Variants in FLT1 observed in about 807,000 individuals in gnomAD.
FLT1 encodes the protein fms related receptor tyrosine kinase 1.
A neutral mutation model predicts 156.3 loss-of-function variants in FLT1; 49 were observed. That is an observed-to-expected ratio of 0.31 (90% CI 0.25 to 0.40). The LOEUF (loss-of-function observed/expected upper bound fraction) is 0.40. Among genes scored for constraint, FLT1 ranks in the 10% least tolerant of loss-of-function variants. FLT1 has a pLI of 1.00. For missense variants in FLT1, 1,322 were observed against 1,637.2 expected, an observed-to-expected ratio of 0.81 and a Z score of 3.32; for synonymous variants, 594 against 583.8, an observed-to-expected ratio of 1.02 and a Z score of -0.25.
intron 24 of FLT1, among the ~76,000 whole-genome samples, chr13:28,319,073 G>A (rs755890377): frequency 7.9e-5 from 12 of 152,240 alleles, no homozygotes; most frequent in East Asian, 7.7e-4. Flanking sequence ...GGAGGGAAGC[G>A]GTAAGGGCAT....
At chr13:28,458,832 G>A (rs1879407804) in intron 3 of FLT1, among the ~76,000 whole-genome samples, 1 of 152,200 alleles carries the variant, frequency 6.6e-6, no homozygotes, top group Admixed American at 6.5e-5. Context: ...CTAATCAGCT[G>A]TCTGCCAGTG....
intron 15 of FLT1, among the ~76,000 whole-genome samples, chr13:28,353,287 A>T (rs1044004608): frequency 3.3e-5 from 5 of 152,162 alleles, no homozygotes; most frequent in Admixed American, 1.3e-4. Flanking sequence ...AGAGTATCAG[A>T]TTTGGCTGGG....
At chr13:28,487,830 C>CTATTTTCCACCAAATCCA (rs1240629182) in intron 1 of FLT1, among the ~76,000 whole-genome samples, 20 of 152,140 alleles carry the variant, frequency 1.3e-4, no homozygotes, top group African/African-American at 4.1e-4. Flanking sequence ...TGCATTTTTA[C>CTATTTTCCACCAAATCCA]TATTTTCCAC....
At chr13:28,384,835 G>A in intron 14 of FLT1, 50 bp downstream of exon 14, 2 of 1,560,578 alleles carry the variant, frequency 1.3e-6, no homozygotes, top group Non-Finnish European at 1.8e-6. Flanking sequence ...GGGAAAGGGG[G>A]GCTGATGAAA....
At chr13:28,342,146 G>A (rs1251788184) in intron 16 of FLT1, among the ~76,000 whole-genome samples, 1 of 152,144 alleles carries the variant, frequency 6.6e-6, no homozygotes, top group Non-Finnish European at 1.5e-5. Flanking sequence ...GCCTCCCAAA[G>A]TTCTGGGATT....
intron 3 of FLT1, among the ~76,000 whole-genome samples, chr13:28,448,885 T>C (rs1289650033): frequency 6.6e-6 from 1 of 152,208 alleles, no homozygotes; most frequent in East Asian, 1.9e-4. Flanking sequence ...CCTCACCTTA[T>C]GAGTCTTTGC....
At chr13:28,444,748 TG>T (rs1276063513) in intron 3 of FLT1, among the ~76,000 whole-genome samples, 2 of 152,054 alleles carry the variant, frequency 1.3e-5, no homozygotes, top group African/African-American at 4.8e-5. Flanking sequence ...ATGTGGAAAT[TG>T]ACACATCCCT....
At chr13:28,435,132 G>A (rs1222802215) in intron 4 of FLT1, among the ~76,000 whole-genome samples, 1 of 152,204 alleles carries the variant, frequency 6.6e-6, no homozygotes. Context: ...GAAGGCATCA[G>A]CTCTGCCTCT....
chr13:28,385,153 T>C, intron 13 of FLT1, 122 bp from the exon 14 acceptor site: 1 of 1,005,300 alleles, frequency 9.9e-7, no homozygotes, highest in Non-Finnish European at 1.6e-6. Context: ...TTCATTTTCA[T>C]TTGTTCACTT....
Position 28,494,896 on chromosome 13 carries a change from G to C in FLT1, c.-53C>G. ...GGTGCCCGCGCTCCCCGCGGCCAAC[G>C]ACCCGGCCGCCAGAGTCCGTCCTCT... On this transcript the variant is annotated 5_prime_UTR_variant, in exon 1 of 30. Transcript: ENST00000282397. The C allele has an allele frequency of 7.0e-7, 1 of 1,429,554 alleles. No homozygotes were observed. 88.6% of individuals were successfully genotyped at this position (1,429,554 alleles called of 1,614,324 possible). A position where few individuals can be genotyped will look rare whatever the true frequency, so the allele number is the denominator to read the frequency against.
chr13:28,403,085 C>T (rs114287091), intron 11 of FLT1, among the ~76,000 whole-genome samples: 1 of 152,148 alleles, frequency 6.6e-6, no homozygotes, highest in Non-Finnish European at 1.5e-5. Flanking sequence ...TGAGGCACTG[C>T]GTCTGGCCTT....
intron 23 of FLT1, among the ~76,000 whole-genome samples, 166 bp from the exon 24 acceptor site, chr13:28,319,700 T>TA (rs1360633555): frequency 1.3e-5 from 2 of 152,136 alleles, no homozygotes; most frequent in East Asian, 3.9e-4. Context: ...AGTGTTACGC[T>TA]AAAAGAGGGA....
intron 10 of FLT1, among the ~76,000 whole-genome samples, chr13:28,420,953 T>C (rs765686335): frequency 7.2e-5 from 11 of 152,090 alleles, no homozygotes; most frequent in Non-Finnish European, 1.3e-4. Context: ...TCAGAGTTCC[T>C]AGATGCCTCT....
chr13:28,327,892 C>T (rs1037396242), intron 19 of FLT1, among the ~76,000 whole-genome samples: 1 of 152,130 alleles, frequency 6.6e-6, no homozygotes, highest in African/African-American at 2.4e-5. Flanking sequence ...CAGACCCTTG[C>T]GAGTAGAGCG....
intron 1 of FLT1, among the ~76,000 whole-genome samples, chr13:28,483,308 T>C (rs1880965537): frequency 6.6e-6 from 1 of 152,238 alleles, no homozygotes. Flanking sequence ...TCTGTTTACA[T>C]ACATTTTTGG....
At chr13:28,460,447 A>C (rs1227654939) in intron 3 of FLT1, among the ~76,000 whole-genome samples, 2 of 152,068 alleles carry the variant, frequency 1.3e-5, no homozygotes, top group African/African-American at 2.4e-5. Flanking sequence ...CCTTGTGTGG[A>C]GTAGGTATGT....
intron 17 of FLT1, among the ~76,000 whole-genome samples, chr13:28,337,153 T>A (rs934632829): frequency 6.6e-6 from 1 of 152,102 alleles, no homozygotes; most frequent in Admixed American, 6.5e-5. Context: ...AGGAATCTTT[T>A]TTTTTTTTTT....
chr13:28,329,238 G>T (rs112009075), intron 19 of FLT1, among the ~76,000 whole-genome samples: 1 of 152,176 alleles, frequency 6.6e-6, no homozygotes, highest in African/African-American at 2.4e-5. Flanking sequence ...CTCCTCCTGG[G>T]ACCCTACCAG....
rs574172886 is a variant in FLT1, at chr13:28,387,152, T to C, written c.1970-2121A>G. 1.1e-4 allele frequency: 112 copies of C among 1,034,676 alleles called. 2 individuals carry two copies. In the South Asian group the frequency reaches 4.4e-3, roughly 40 times the overall value. 64.1% of individuals were successfully genotyped at this position (1,034,676 alleles called of 1,614,324 possible). Reference sequence around the variant, plus strand: ...TTTGTACTACACAAACTTCAGATGATAGAAGCAGCAAAAAGGCTGCAGAAC... The same window carrying C: ...TTTGTACTACACAAACTTCAGATGACAGAAGCAGCAAAAAGGCTGCAGAAC... On this transcript the variant is annotated intron_variant, in intron 13 of 29. Coordinates refer to ENST00000282397, the MANE Select transcript of FLT1 (RefSeq NM_002019.4).
Sources: gnomAD v4.1 joint callset for allele counts (sites outside exome capture counted in the v4.1 genomes callset) on GRCh38, gnomAD v4.1.1 for gene constraint, MANE v1.5 for transcripts, NCBI Gene and HGNC (gene_info 2026-07-23, HGNC 2026-07-21) for gene names.